Variants in FMN2 observed in about 807,000 individuals in gnomAD.
FMN2 encodes formin-2.
FMN2 carries 51 observed loss-of-function variants against 142.3 expected under a neutral mutation model. The ratio of observed to expected loss-of-function variants is 0.36; its 90% CI spans 0.29 to 0.45. FMN2 has a LOEUF of 0.45. Ranked by LOEUF, FMN2 falls within the 20% of genes least tolerant of loss-of-function variation. The probability of loss-of-function intolerance (pLI) is 1.00; values close to 1 mark genes in which losing one functional copy is unlikely to be tolerated. For missense variants in FMN2, 1,936 were observed against 2,122.8 expected (o/e 0.91, Z 1.73); for synonymous variants, 882 against 869.8 (o/e 1.01, Z -0.25).
At chr1:240,122,075 A>AATTAATTAATAATTT (rs547438686) in intron 1 of FMN2, among the ~76,000 whole-genome samples, 2 of 146,572 alleles carry the variant, frequency 1.4e-5, no homozygotes, top group African/African-American at 5.0e-5. Flanking sequence ...TTAATTAATT[A>AATTAATTAATAATTT]ATTTATTTAT....
intron 16 of FMN2, among the ~76,000 whole-genome samples, chr1:240,440,365 A>G (rs1558108293): frequency 6.6e-6 from 1 of 152,224 alleles, no homozygotes; most frequent in Non-Finnish European, 1.5e-5. Context: ...CACATGCTCC[A>G]TGAGATAGAA....
At chr1:240,323,421 C>T (rs13374744) in intron 8 of FMN2, among the ~76,000 whole-genome samples, 22,082 of 152,136 alleles carry the variant, frequency 0.15, 2,059 homozygotes, top group African/African-American at 0.26. Context: ...ATATCGAACT[C>T]CAGAACTCAG....
intron 15 of FMN2, among the ~76,000 whole-genome samples, chr1:240,421,872 G>C (rs543254565): frequency 6.6e-6 from 1 of 152,098 alleles, no homozygotes; most frequent in African/African-American, 2.4e-5. Context: ...CCTGTGGTGG[G>C]GGTGGGGGAA....
chr1:240,367,953 T>C (rs922179091), intron 14 of FMN2, among the ~76,000 whole-genome samples: 4 of 152,154 alleles, frequency 2.6e-5, no homozygotes, highest in African/African-American at 9.7e-5. Flanking sequence ...ATATGGATAA[T>C]GCTGTTTTAG....
intron 6 of FMN2, among the ~76,000 whole-genome samples, chr1:240,231,142 G>A (rs113861624): frequency 0.02 from 2,674 of 131,574 alleles, 810 homozygotes; most frequent in African/African-American, 0.083. Flanking sequence ...TGCCACACAC[G>A]AAGCAGGTAG....
At chr1:240,299,031 A>G (rs1239439963) in intron 8 of FMN2, among the ~76,000 whole-genome samples, 5 of 151,780 alleles carry the variant, frequency 3.3e-5, no homozygotes, top group African/African-American at 1.2e-4. Context: ...GCCCACTGCA[A>G]CCTCTGCCTC....
chr1:240,316,080 G>T (rs182314645), intron 8 of FMN2, among the ~76,000 whole-genome samples: 5 of 152,268 alleles, frequency 3.3e-5, no homozygotes, highest in African/African-American at 1.2e-4. Context: ...GCCAGGCACT[G>T]TTCTAGGTGT....
intron 2 of FMN2, chr1:240,144,814 C>T: frequency 4.2e-6 from 6 of 1,431,714 alleles, no homozygotes; most frequent in Non-Finnish European, 5.9e-6. Context: ...TTTCCTTCAC[C>T]AGAGTGAGCA....
At chr1:240,356,130 C>T (rs968683007) in intron 14 of FMN2, among the ~76,000 whole-genome samples, 5 of 151,980 alleles carry the variant, frequency 3.3e-5, no homozygotes, top group East Asian at 1.9e-4. Flanking sequence ...GGATAATGCT[C>T]ATTATTAATG....
At position 240,098,097 on chromosome 1, in the gene FMN2, A is replaced by ATTTTTTTTTTTTTTTTTTTTT. The variant is rs35191164; in HGVS notation, c.1615+4374_1615+4394dup. On this transcript the variant is annotated intron_variant, in intron 1 of 17. Coordinates refer to ENST00000319653, the MANE Select transcript of FMN2 (RefSeq NM_020066.5). Reference sequence around the variant, plus strand: ...TTGGCCTTTCTAAAGGTTATCTTGAATTTTTTTTTTTTTTTTTTTTTGGAG... The same window carrying ATTTTTTTTTTTTTTTTTTTTT: ...TTGGCCTTTCTAAAGGTTATCTTGAATTTTTTTTTTTTTTTTTTTTTTTTTTTTTTTTTTTTTTTTTTGGAG... 2.4e-3 allele frequency among the ~76,000 whole-genome samples: 234 copies of ATTTTTTTTTTTTTTTTTTTTT among 98,620 alleles called. 11 individuals carry two copies. Among genetic ancestry groups the ATTTTTTTTTTTTTTTTTTTTT allele is most frequent in the African/African-American group, 3.3e-3 (71 of 21,830 alleles). 64.7% of individuals were successfully genotyped at this position (98,620 alleles called of 152,430 possible).
chr1:240,172,758 C>A lies in FMN2; in HGVS notation c.1783-5163C>A, dbSNP rs199552007. ...TTTAGACATACCAGATAACCTGATA[C>A]CTTCCTTTTTCCATATGATACCCAC... On this transcript the variant is annotated intron_variant, in intron 2 of 17. Coordinates refer to ENST00000319653, the MANE Select transcript of FMN2 (RefSeq NM_020066.5). 1.1e-4 allele frequency among the ~76,000 whole-genome samples: 17 copies of A among 152,226 alleles called. No homozygotes were observed. The East Asian group carries it at 3.3e-3, about 29-fold the overall frequency.
At chr1:240,163,667 ATAAC>A (rs988589342) in intron 2 of FMN2, among the ~76,000 whole-genome samples, 2 of 152,068 alleles carry the variant, frequency 1.3e-5, no homozygotes, top group Admixed American at 6.6e-5. Flanking sequence ...TTACTGAAGT[ATAAC>A]TAAGTCCATT....
At chr1:240,145,429 A>G (rs1475419736) in intron 2 of FMN2, 1 of 362,978 alleles carries the variant, frequency 2.8e-6, no homozygotes, top group African/African-American at 2.1e-5. Context: ...AGTAATATAT[A>G]TATGTATATA....
chr1:240,350,640 G>C (rs141444484), intron 13 of FMN2, among the ~76,000 whole-genome samples: 9 of 152,242 alleles, frequency 5.9e-5, no homozygotes, highest in African/African-American at 2.2e-4. Flanking sequence ...GCTAGCCCAA[G>C]ATTACAGAGC....
At chr1:240,420,871 A>G (rs986976812) in intron 15 of FMN2, among the ~76,000 whole-genome samples, 1 of 152,170 alleles carries the variant, frequency 6.6e-6, no homozygotes. Context: ...CAGGTTCTAC[A>G]AAAAGCAAGT....
chr1:240,178,396 T>C (rs1228666203), intron 3 of FMN2, among the ~76,000 whole-genome samples: 9 of 151,950 alleles, frequency 5.9e-5, no homozygotes, highest in Non-Finnish European at 1.3e-4. Context: ...CAATCAATGC[T>C]TTATGGAATA....
At chr1:240,143,942 A>C (rs1184645612) in intron 2 of FMN2, 1 of 1,477,568 alleles carries the variant, frequency 6.8e-7, no homozygotes, top group Non-Finnish European at 9.5e-7. Flanking sequence ...GATGGAACCA[A>C]GTCTCATGGT....
At chr1:240,136,208 A>G (rs1355172801) in intron 2 of FMN2, among the ~76,000 whole-genome samples, 1 of 151,954 alleles carries the variant, frequency 6.6e-6, no homozygotes, top group East Asian at 1.9e-4. Context: ...ATGTGTTGCC[A>G]TTTATGTATC....
intron 2 of FMN2, chr1:240,142,665 A>G: frequency 1.2e-6 from 2 of 1,607,208 alleles, no homozygotes; most frequent in Non-Finnish European, 8.5e-7. Flanking sequence ...CCTGGTGGTC[A>G]CTTAGAGATC....
Sources: allele counts gnomAD v4.1 joint callset (sites outside exome capture counted in the v4.1 genomes callset), GRCh38; gene constraint gnomAD v4.1.1; transcripts MANE v1.5; gene names NCBI Gene and HGNC (gene_info 2026-07-23, HGNC 2026-07-21).